The following STARD13 variants were observed in gnomAD, a reference collection of about 807,000 sequenced individuals.
STARD13 encodes stAR-related lipid transfer protein 13.
A neutral mutation model predicts 106.4 loss-of-function variants in STARD13; 62 were observed. That is an observed-to-expected ratio of 0.58 (90% CI 0.48 to 0.72). The LOEUF is 0.72. Among genes scored for constraint, STARD13 ranks in the 30% least tolerant of loss-of-function variants. The pLI is 0.00. For synonymous variants in STARD13, 565 were observed against 553.0 expected (o/e 1.02, Z -0.31); for missense variants, 1,387 against 1,424.0 (o/e 0.97, Z 0.42).
the STARD13 span, among the ~76,000 whole-genome samples, chr13:33,647,306 T>G: frequency 6.6e-6 from 1 of 152,202 alleles, no homozygotes; most frequent in African/African-American, 2.4e-5. Context: ...CCCAAAACAT[T>G]TATCTCAATC....
chr13:33,205,890 A>G lies in STARD13; in HGVS notation c.170-38268T>C, dbSNP rs1233294713. On this transcript the variant is annotated intron_variant, in intron 1 of 13. Transcript: ENST00000336934. ...CCCCTCTCTTCTTCAATTCATTTTC[A>G]GCTTTCTTGAAAACTGCTCCTCAGA... is the stretch of plus-strand genomic sequence containing the variant. 3 of 985,238 alleles carry G rather than the reference A, an allele frequency of 3.0e-6. No individual in the cohort carries two copies. The East Asian group carries it at 3.4e-4, about 112-fold the overall frequency. 61.0% of individuals were successfully genotyped at this position (985,238 alleles called of 1,614,324 possible).
intron 1 of STARD13, among the ~76,000 whole-genome samples, chr13:33,297,272 C>A (rs146889143): frequency 6.6e-6 from 1 of 152,362 alleles, no homozygotes; most frequent in Non-Finnish European, 1.5e-5. Flanking sequence ...GTTACCTTCT[C>A]CTTAGTGGCT....
intron 3 of STARD13, chr13:33,164,248 G>T (rs1197354994): frequency 6.6e-6 from 1 of 152,092 alleles, no homozygotes; most frequent in East Asian, 1.9e-4. Context: ...CAGAGTGACT[G>T]GTTTGTGACA....
chr13:33,503,982 C>T, the STARD13 span, among the ~76,000 whole-genome samples: 1 of 152,172 alleles, frequency 6.6e-6, no homozygotes, highest in Non-Finnish European at 1.5e-5. Flanking sequence ...GACATTTATG[C>T]AGCCAACAGA....
At chr13:33,431,146 T>G in the STARD13 span, among the ~76,000 whole-genome samples, 3 of 152,190 alleles carry the variant, frequency 2.0e-5, no homozygotes, top group Non-Finnish European at 4.4e-5. Context: ...TCTTTACAAA[T>G]TATATGAATG....
the STARD13 span, among the ~76,000 whole-genome samples, chr13:33,669,691 G>A: frequency 2.6e-5 from 4 of 151,482 alleles, no homozygotes; most frequent in Admixed American, 1.3e-4. Context: ...ACCTGCCACC[G>A]CACCCGGCTA....
At chr13:33,148,235 C>T (rs1285373293) in intron 3 of STARD13, among the ~76,000 whole-genome samples, 1 of 152,174 alleles carries the variant, frequency 6.6e-6, no homozygotes, top group Admixed American at 6.5e-5. Flanking sequence ...CATTAAAATT[C>T]AATACTTCTA....
At chr13:33,472,855 C>A in the STARD13 span, among the ~76,000 whole-genome samples, 52 of 152,110 alleles carry the variant, frequency 3.4e-4, 1 homozygote, top group East Asian at 0.01. Flanking sequence ...CAGAGGAATG[C>A]GAAAATGTCT....
At chr13:33,458,815 CTTT>C in the STARD13 span, among the ~76,000 whole-genome samples, 103 of 113,504 alleles carry the variant, frequency 9.1e-4, 1 homozygote, top group African/African-American at 3.4e-3. Flanking sequence ...AACATGTTTA[CTTT>C]TTTTTTTTTT....
chr13:33,669,842 A>G, the STARD13 span, among the ~76,000 whole-genome samples: 1 of 152,122 alleles, frequency 6.6e-6, no homozygotes, highest in South Asian at 2.1e-4. Flanking sequence ...CCAGAAGAGG[A>G]TGTTCTTCTT....
chr13:33,403,614 T>C, the STARD13 span, among the ~76,000 whole-genome samples: 2 of 152,228 alleles, frequency 1.3e-5, no homozygotes, highest in Non-Finnish European at 2.9e-5. Flanking sequence ...ATAAATTTTG[T>C]CATTAATAAG....
intron 8 of STARD13, among the ~76,000 whole-genome samples, chr13:33,113,790 C>T (rs886804177): frequency 6.6e-6 from 1 of 152,148 alleles, no homozygotes; most frequent in African/African-American, 2.4e-5. Flanking sequence ...TTGGTTCCAA[C>T]AATATGAGGG....
chr13:33,554,989 C>T, the STARD13 span, among the ~76,000 whole-genome samples: 1 of 152,088 alleles, frequency 6.6e-6, no homozygotes, highest in African/African-American at 2.4e-5. Flanking sequence ...GATGTAGGGC[C>T]CAGGAATCTG....
At chr13:33,186,898 G>A (rs982664156) in intron 1 of STARD13, among the ~76,000 whole-genome samples, 4 of 152,234 alleles carry the variant, frequency 2.6e-5, no homozygotes, top group South Asian at 4.1e-4. Flanking sequence ...AAAGCCCCGC[G>A]TTCCTAGGCT....
chr13:33,252,734 C>T (rs1890151817), intron 1 of STARD13, among the ~76,000 whole-genome samples: 1 of 152,204 alleles, frequency 6.6e-6, no homozygotes, highest in Non-Finnish European at 1.5e-5. Context: ...TAACTTTTCC[C>T]ACATCAAATC....
chr13:33,490,121 C>T, the STARD13 span, among the ~76,000 whole-genome samples: 2 of 152,036 alleles, frequency 1.3e-5, no homozygotes, highest in Non-Finnish European at 2.9e-5. Flanking sequence ...GAATTAATGA[C>T]AATAGTTTAC....
chr13:33,434,723 C>T, the STARD13 span, among the ~76,000 whole-genome samples: 2 of 152,068 alleles, frequency 1.3e-5, no homozygotes, highest in African/African-American at 2.4e-5. Flanking sequence ...TTCTTGGTGG[C>T]ACTTAACTTT....
At chr13:33,148,767 C>G (rs546260261) in intron 3 of STARD13, among the ~76,000 whole-genome samples, 1 of 152,146 alleles carries the variant, frequency 6.6e-6, no homozygotes, top group African/African-American at 2.4e-5. Context: ...CAAACCTGCA[C>G]GTAGGTATTT....
chr13:33,397,019 A>G, the STARD13 span, among the ~76,000 whole-genome samples: 2 of 152,224 alleles, frequency 1.3e-5, no homozygotes, highest in Non-Finnish European at 2.9e-5. Flanking sequence ...TTTTCAGACC[A>G]GAAAATTGGA....
Sources: gnomAD v4.1 joint callset for allele counts (sites outside exome capture counted in the v4.1 genomes callset) on GRCh38, gnomAD v4.1.1 for gene constraint, MANE v1.5 for transcripts, NCBI Gene and HGNC (gene_info 2026-07-23, HGNC 2026-07-21) for gene names.